Variants in HTR2C observed in about 807,000 individuals in gnomAD.
HTR2C encodes the protein 5-hydroxytryptamine receptor 2C.
In HTR2C, 5 loss-of-function variants were observed where a neutral mutation model predicts 21.0. That is an observed-to-expected ratio of 0.24 (90% CI 0.12 to 0.50). The LOEUF (loss-of-function observed/expected upper bound fraction) is 0.50, where lower values mean the gene tolerates loss of function less well. Ranked by LOEUF, HTR2C falls within the 20% of genes least tolerant of loss-of-function variation. The pLI is 0.98. For missense variants in HTR2C, 271 were observed against 371.2 expected, an observed-to-expected ratio of 0.73 and a Z score of 2.22; for synonymous variants, 150 against 145.3, an observed-to-expected ratio of 1.03 and a Z score of -0.23.
At chrX:114,844,128 G>A (rs1056011460) in intron 4 of HTR2C, among the ~76,000 whole-genome samples, 5 of 111,553 alleles carry the variant, frequency 4.5e-5, no homozygotes, top group African/African-American at 1.6e-4. Context: ...CACCTGTTTT[G>A]ACTTTCTATT....
chrX:114,656,301 T>G (rs1930779424), intron 2 of HTR2C, among the ~76,000 whole-genome samples: 1 of 111,567 alleles, frequency 9.0e-6, no homozygotes, highest in African/African-American at 3.2e-5. Context: ...GCACTTATAT[T>G]TTTCTTAGAG....
At chrX:114,632,471 C>T (rs148823962) in intron 2 of HTR2C, among the ~76,000 whole-genome samples, 2 of 111,526 alleles carry the variant, frequency 1.8e-5, no homozygotes, top group Non-Finnish European at 3.8e-5. Flanking sequence ...ACAATTGAGA[C>T]AAAATGTATC....
chrX:114,854,939 C>T (rs992184683), intron 5 of HTR2C, among the ~76,000 whole-genome samples: 1 of 111,678 alleles, frequency 9.0e-6, no homozygotes, highest in Non-Finnish European at 1.9e-5. Flanking sequence ...CAAAAGAAGG[C>T]ATACAAATGG....
chrX:114,904,812 G>A (rs1197094129), intron 5 of HTR2C, among the ~76,000 whole-genome samples: 2 of 110,499 alleles, frequency 1.8e-5, no homozygotes, highest in Admixed American at 9.7e-5. Context: ...TTTGATCTGT[G>A]CTGTCTAGAG....
intron 2 of HTR2C, among the ~76,000 whole-genome samples, chrX:114,718,592 C>T (rs1556420121): frequency 9.0e-6 from 1 of 111,196 alleles, no homozygotes; most frequent in Admixed American, 9.7e-5. Flanking sequence ...AATGTTTCTC[C>T]CCCATTTGTC....
At chrX:114,812,263 C>T (rs2070539430) in intron 4 of HTR2C, among the ~76,000 whole-genome samples, 1 of 111,254 alleles carries the variant, frequency 9.0e-6, no homozygotes, top group African/African-American at 3.3e-5. Flanking sequence ...AGAAAGAAAG[C>T]ATTATATAGA....
intron 2 of HTR2C, among the ~76,000 whole-genome samples, chrX:114,694,075 A>G (rs1483468284): frequency 9.0e-6 from 1 of 111,607 alleles, no homozygotes; most frequent in African/African-American, 3.3e-5. Context: ...GTTTTAAGGT[A>G]TAAACAATTA....
chrX:114,876,426 T>C (rs199640566), intron 5 of HTR2C, among the ~76,000 whole-genome samples: 1 of 93,854 alleles, frequency 1.1e-5, no homozygotes, highest in African/African-American at 3.8e-5. Context: ...TTCTTTCTTT[T>C]TTTTTTTTTT....
chrX:114,854,620 A>G (rs1315545837), intron 5 of HTR2C, among the ~76,000 whole-genome samples: 1 of 111,486 alleles, frequency 9.0e-6, no homozygotes, highest in Non-Finnish European at 1.9e-5. Context: ...AACTACAAAA[A>G]CACTAGAAGA....
chrX:114,841,167 G>A (rs1279889200), intron 4 of HTR2C, among the ~76,000 whole-genome samples: 4 of 111,743 alleles, frequency 3.6e-5, no homozygotes, highest in Non-Finnish European at 5.6e-5. Flanking sequence ...TATTTATCCT[G>A]TAAGGTAGTC....
chrX:114,649,577 G>T lies in HTR2C; in HGVS notation c.-80+35696G>T, dbSNP rs1471246799. ...GCAAAGGTAATCTTTCATCTTTTCT[G>T]TGTTATTTTTATTTTTATTTATTTT... On this transcript the variant is annotated intron_variant, in intron 2 of 5. Transcript: ENST00000276198. 2.7e-5 allele frequency among the ~76,000 whole-genome samples: 3 copies of T among 111,463 alleles called. No individual in the cohort carries two copies. In the Admixed American group the frequency reaches 2.9e-4, roughly 11 times the overall value.
intron 4 of HTR2C, among the ~76,000 whole-genome samples, chrX:114,761,909 G>A (rs940864290): frequency 1.1e-4 from 12 of 105,654 alleles, no homozygotes; most frequent in East Asian, 2.8e-4. Flanking sequence ...ACATATATGT[G>A]TATATATACG....
chrX:114,738,917 G>A (rs923702423), intron 4 of HTR2C, among the ~76,000 whole-genome samples: 1 of 110,061 alleles, frequency 9.1e-6, no homozygotes, highest in Admixed American at 9.8e-5. Context: ...ATTAACATAT[G>A]ACATTAACAT....
At chrX:114,614,896 T>G (rs782620743) in intron 2 of HTR2C, among the ~76,000 whole-genome samples, 9 of 111,985 alleles carry the variant, frequency 8.0e-5, no homozygotes, top group Admixed American at 6.7e-4. Flanking sequence ...CATGGGGAAT[T>G]CTCAATTAAA....
chrX:114,849,521 G>A (rs1481071355), intron 5 of HTR2C, among the ~76,000 whole-genome samples: 4 of 112,235 alleles, frequency 3.6e-5, no homozygotes. Context: ...CTGAAGATAT[G>A]ACTGACAGGT....
rs961786407 is a variant in HTR2C, at chrX:114,662,552, C to T, written c.-80+48671C>T. Among the ~76,000 whole-genome samples the T allele has an allele frequency of 2.7e-5, 3 of 111,578 alleles. No homozygotes were observed. The Admixed American group carries it at 2.9e-4, about 11-fold the overall frequency. ...TGAATAAATTATTTGAAAATATCCT[C>T]TAGGTATTTGCACATATAATATATC... On this transcript the variant is annotated intron_variant, in intron 2 of 5. Coordinates refer to ENST00000276198, the MANE Select transcript of HTR2C (RefSeq NM_000868.4).
chrX:114,651,006 G>T (rs1246059727), intron 2 of HTR2C, among the ~76,000 whole-genome samples: 3 of 111,699 alleles, frequency 2.7e-5, no homozygotes, highest in Non-Finnish European at 5.7e-5. Context: ...CTCACTTCTT[G>T]CAGTTTACAG....
chrX:114,715,876 G>C (rs914991820), intron 2 of HTR2C, among the ~76,000 whole-genome samples: 1 of 112,391 alleles, frequency 8.9e-6, no homozygotes, highest in East Asian at 2.8e-4. Context: ...TAGAATGTAA[G>C]CTCCATTGGA....
chrX:114,805,784 TAC>T (rs1353905001), intron 4 of HTR2C, among the ~76,000 whole-genome samples: 5 of 101,398 alleles, frequency 4.9e-5, no homozygotes, highest in African/African-American at 1.4e-4. Flanking sequence ...ACCATGTATA[TAC>T]ACCATATATA....
Sources: gnomAD v4.1 joint callset for allele counts (sites outside exome capture counted in the v4.1 genomes callset) on GRCh38, gnomAD v4.1.1 for gene constraint, MANE v1.5 for transcripts, NCBI Gene and HGNC (gene_info 2026-07-23, HGNC 2026-07-21) for gene names.